MYO3B: variants seen among roughly 807,000 people sequenced by gnomAD.
The protein encoded by MYO3B is myosin IIIB.
A neutral mutation model predicts 174.6 loss-of-function variants in MYO3B; 156 were observed. The ratio of observed to expected loss-of-function variants is 0.89; its 90% CI spans 0.78 to 1.02. The LOEUF is 1.02. Among genes scored for constraint, MYO3B ranks in the 50% least tolerant of loss-of-function variants. MYO3B has a pLI of 0.00. For synonymous variants in MYO3B, 563 were observed against 569.1 expected (o/e 0.99, Z 0.15); for missense variants, 1,632 against 1,639.4 (o/e 1.00, Z 0.08).
At chr2:170,511,160 T>A (rs989944480) in intron 28 of MYO3B, among the ~76,000 whole-genome samples, 1 of 151,256 alleles carries the variant, frequency 6.6e-6, no homozygotes, top group Non-Finnish European at 1.5e-5. Flanking sequence ...CCCAGGTTCA[T>A]GCCATTCTCC....
chr2:170,372,654 A>G (rs2094257468), intron 9 of MYO3B, among the ~76,000 whole-genome samples: 1 of 152,162 alleles, frequency 6.6e-6, no homozygotes, highest in South Asian at 2.1e-4. Flanking sequence ...TCAGGTGAGA[A>G]CAGTTCAAAA....
At chr2:170,320,616 C>T (rs1018393163) in intron 7 of MYO3B, among the ~76,000 whole-genome samples, 3 of 151,864 alleles carry the variant, frequency 2.0e-5, no homozygotes, top group Non-Finnish European at 4.4e-5. Flanking sequence ...GATTGGTATA[C>T]ACTTAGTTTT....
intron 25 of MYO3B, among the ~76,000 whole-genome samples, chr2:170,470,326 G>T (rs1684910182): frequency 6.6e-6 from 1 of 151,982 alleles, no homozygotes; most frequent in Admixed American, 6.6e-5. Flanking sequence ...GCCTATTTTT[G>T]ACATTTCGTG....
chr2:170,225,957 G>A (rs980715049), intron 6 of MYO3B, among the ~76,000 whole-genome samples: 4 of 152,140 alleles, frequency 2.6e-5, no homozygotes, highest in African/African-American at 9.7e-5. Flanking sequence ...AGAAGAAATT[G>A]GCTTAGGTAG....
chr2:170,227,466 G>T (rs1249550625), intron 6 of MYO3B, among the ~76,000 whole-genome samples: 1 of 10,770 alleles, frequency 9.3e-5, no homozygotes, highest in Non-Finnish European at 1.7e-4. Flanking sequence ...TGTATTTTTA[G>T]TAGAGACAGG....
At chr2:170,220,676 A>C (rs1230054422) in intron 6 of MYO3B, among the ~76,000 whole-genome samples, 1 of 150,444 alleles carries the variant, frequency 6.6e-6, no homozygotes, top group African/African-American at 2.4e-5. Context: ...TGTAGGGGAC[A>C]GTTTATGGTG....
At chr2:170,415,223 C>T (rs2094570534) in intron 22 of MYO3B, among the ~76,000 whole-genome samples, 1 of 152,138 alleles carries the variant, frequency 6.6e-6, no homozygotes, top group African/African-American at 2.4e-5. Context: ...TATGTAGGTG[C>T]CTTTGCACTT....
intron 25 of MYO3B, among the ~76,000 whole-genome samples, chr2:170,488,503 T>C (rs1314412339): frequency 6.6e-6 from 1 of 152,220 alleles, no homozygotes; most frequent in East Asian, 1.9e-4. Context: ...GATAAAATCA[T>C]GACTGGCATA....
At chr2:170,204,826 A>G (rs1371132273) in intron 3 of MYO3B, among the ~76,000 whole-genome samples, 1 of 152,162 alleles carries the variant, frequency 6.6e-6, no homozygotes, top group African/African-American at 2.4e-5. Flanking sequence ...TTACAATTCT[A>G]AAGGGATTAT....
intron 7 of MYO3B, among the ~76,000 whole-genome samples, chr2:170,239,646 T>C (rs1471169316): frequency 6.6e-6 from 1 of 152,242 alleles, no homozygotes; most frequent in Non-Finnish European, 1.5e-5. Context: ...TTCCAGTCCC[T>C]GAAGCTGGTG....
At chr2:170,236,667 C>T (rs2093074510) in intron 7 of MYO3B, among the ~76,000 whole-genome samples, 1 of 152,146 alleles carries the variant, frequency 6.6e-6, no homozygotes, top group South Asian at 2.1e-4. Flanking sequence ...TGCAAGTATA[C>T]TTTCTATTCT....
In MYO3B at chr2:170,181,844, G is replaced by A. The variant is rs115278288; in HGVS notation, c.2+3555G>A. 6.8e-3 allele frequency among the ~76,000 whole-genome samples: 1,035 copies of A among 152,144 alleles called. 9 individuals carry two copies. The highest frequency in any genetic ancestry group is 0.023 in the African/African-American group (955 of 41,518). On this transcript the variant is annotated intron_variant, in intron 1 of 34. Transcript: ENST00000408978. ...TGACTAATAATTCCTCACAAAGATT[G>A]TTTACGCTTTCGCTCATGTTGTCTC...
intron 8 of MYO3B, among the ~76,000 whole-genome samples, chr2:170,354,374 T>G (rs1027475509): frequency 9.9e-5 from 15 of 152,186 alleles, no homozygotes; most frequent in African/African-American, 3.6e-4. Flanking sequence ...ATGTCACTGA[T>G]TTGCTGCTAT....
intron 7 of MYO3B, among the ~76,000 whole-genome samples, chr2:170,303,137 G>A (rs1340375673): frequency 2.0e-5 from 3 of 152,022 alleles, no homozygotes; most frequent in Non-Finnish European, 2.9e-5. Flanking sequence ...TACTACTGTT[G>A]TAAATGTTCC....
rs557730005 is a variant in MYO3B, at chr2:170,199,616, CT to C, written c.186+226del. Among the ~76,000 whole-genome samples the C allele has an allele frequency of 5.6e-3, 854 of 152,302 alleles. 4 individuals carry two copies. The highest frequency in any genetic ancestry group is 9.5e-3 in the Non-Finnish European group (644 of 68,028). Reference sequence around the variant, plus strand: ...TTACTGTTGTGTTGGTTTGGGACCACTGGGATCTTCAAAAGTTATTCTCTTG... The same window carrying C: ...TTACTGTTGTGTTGGTTTGGGACCACGGGATCTTCAAAAGTTATTCTCTTG... On this transcript the variant is annotated intron_variant, in intron 2 of 34. Transcript: ENST00000408978.
chr2:170,366,098 C>T (rs2094195978), intron 8 of MYO3B, among the ~76,000 whole-genome samples: 1 of 152,144 alleles, frequency 6.6e-6, no homozygotes. Context: ...CTGTCCAGCA[C>T]ATGGCTACTG....
chr2:170,530,028 AC>A (rs1245077550), intron 30 of MYO3B, among the ~76,000 whole-genome samples: 63 of 152,206 alleles, frequency 4.1e-4, no homozygotes, highest in African/African-American at 1.4e-3. Flanking sequence ...CGCCCTGGTC[AC>A]CTTAAATTAA....
At chr2:170,225,657 G>T (rs775415056) in intron 6 of MYO3B, among the ~76,000 whole-genome samples, 3 of 152,090 alleles carry the variant, frequency 2.0e-5, no homozygotes, top group Non-Finnish European at 4.4e-5. Context: ...GCTTCAGTTT[G>T]AATAAAAAAG....
chr2:170,289,962 T>C (rs1416822850), intron 7 of MYO3B, among the ~76,000 whole-genome samples: 1 of 152,174 alleles, frequency 6.6e-6, no homozygotes, highest in African/African-American at 2.4e-5. Flanking sequence ...CCATTGGTCA[T>C]TCAGGAACAC....
Sources: gnomAD v4.1 joint callset for allele counts (sites outside exome capture counted in the v4.1 genomes callset) on GRCh38, gnomAD v4.1.1 for gene constraint, MANE v1.5 for transcripts, NCBI Gene and HGNC (gene_info 2026-07-23, HGNC 2026-07-21) for gene names.